The following TASP1 variants were observed in gnomAD, a reference collection of about 807,000 sequenced individuals.
TASP1 encodes taspase 1.
A neutral mutation model predicts 56.6 loss-of-function variants in TASP1; 16 were observed. The ratio of observed to expected loss-of-function variants is 0.28; its 90% CI spans 0.19 to 0.43. TASP1 has a LOEUF of 0.43. Ranked by LOEUF, TASP1 falls within the 20% of genes least tolerant of loss-of-function variation. The pLI is 1.00. For missense variants in TASP1, 393 were observed against 511.6 expected, an observed-to-expected ratio of 0.77 and a Z score of 2.24; for synonymous variants, 179 against 184.2, an observed-to-expected ratio of 0.97 and a Z score of 0.23.
At chr20:13,171,101 T>C in the TASP1 span, among the ~76,000 whole-genome samples, 2 of 152,250 alleles carry the variant, frequency 1.3e-5, no homozygotes, top group East Asian at 3.8e-4. Context: ...TCAGTTTTTT[T>C]GCCCTTTTAA....
chr20:13,437,225 G>A (rs75079400), intron 11 of TASP1, among the ~76,000 whole-genome samples: 1 of 152,012 alleles, frequency 6.6e-6, no homozygotes, highest in African/African-American at 2.4e-5. Context: ...AATAAACATA[G>A]TCCAGCATAT....
chr20:13,296,112 AT>A, the TASP1 span, among the ~76,000 whole-genome samples: 14 of 152,064 alleles, frequency 9.2e-5, no homozygotes, highest in Admixed American at 6.5e-5. Flanking sequence ...TTCCTTAGAT[AT>A]GCCTCATCTT....
intron 12 of TASP1, 79 bp downstream of exon 12, chr20:13,434,965 G>T: frequency 2.0e-6 from 2 of 1,001,082 alleles, no homozygotes; most frequent in South Asian, 1.7e-5. Flanking sequence ...TAAAATTATT[G>T]ACTTAAGGGT....
At chr20:13,202,894 G>A in the TASP1 span, among the ~76,000 whole-genome samples, 4 of 152,266 alleles carry the variant, frequency 2.6e-5, no homozygotes, top group South Asian at 2.1e-4. Flanking sequence ...GATTATAGTC[G>A]GCTTCTACAT....
chr20:13,361,753 C>T, the TASP1 span, among the ~76,000 whole-genome samples: 174 of 152,166 alleles, frequency 1.1e-3, 4 homozygotes, highest in East Asian at 0.031. Context: ...GTTTACACTG[C>T]CAGTTTACAC....
Position 13,490,391 on chromosome 20 carries a change from T to C in TASP1, c.875-7054A>G, listed in dbSNP as rs543239054. ...AGTGAAGCCACCTTTAAATCATCTG[T>C]TTTTGAATTTGTCTGGAATCCAGAA... On this transcript the variant is annotated intron_variant, in intron 10 of 13. Transcript: ENST00000337743. Among the ~76,000 whole-genome samples, 76 of 152,314 alleles carry C rather than the reference T, an allele frequency of 5.0e-4. 1 individual carries two copies. The highest frequency in any genetic ancestry group is 1.0e-4 in the Non-Finnish European group (7 of 68,020).
chr20:13,133,861 A>G, the TASP1 span, among the ~76,000 whole-genome samples: 2 of 152,320 alleles, frequency 1.3e-5, no homozygotes, highest in South Asian at 4.1e-4. Flanking sequence ...TTCACTTAAC[A>G]TCCTTTCCCT....
the TASP1 span, among the ~76,000 whole-genome samples, chr20:13,223,608 T>G: frequency 9.8e-3 from 1,497 of 152,338 alleles, 8 homozygotes; most frequent in Non-Finnish European, 0.018. Flanking sequence ...CCCCAAAGCT[T>G]AAAGTTGTTT....
chr20:13,244,966 G>A, the TASP1 span, among the ~76,000 whole-genome samples: 1 of 152,190 alleles, frequency 6.6e-6, no homozygotes, highest in African/African-American at 2.4e-5. Context: ...GAAAGGAGTG[G>A]TGGAGAGGTT....
chr20:13,280,545 C>G, the TASP1 span, among the ~76,000 whole-genome samples: 4 of 152,168 alleles, frequency 2.6e-5, no homozygotes, highest in African/African-American at 9.7e-5. Context: ...GAACTCAGCT[C>G]CACTCAGTCA....
At chr20:13,372,325 C>G in the TASP1 span, among the ~76,000 whole-genome samples, 2 of 152,128 alleles carry the variant, frequency 1.3e-5, no homozygotes, top group African/African-American at 4.8e-5. Context: ...AGCAGATCAC[C>G]TTCAGACATC....
chr20:13,283,320 A>C, the TASP1 span, among the ~76,000 whole-genome samples: 1 of 152,248 alleles, frequency 6.6e-6, no homozygotes, highest in Non-Finnish European at 1.5e-5. Flanking sequence ...ATGCAATAGC[A>C]AAGCAGTGCA....
chr20:13,398,438 T>C (rs911506032), intron 13 of TASP1, among the ~76,000 whole-genome samples: 1 of 151,750 alleles, frequency 6.6e-6, no homozygotes, highest in Non-Finnish European at 1.5e-5. Flanking sequence ...TTGCTCCACC[T>C]TGTTCTACCC....
At chr20:13,120,499 G>T in the TASP1 span, among the ~76,000 whole-genome samples, 7 of 152,070 alleles carry the variant, frequency 4.6e-5, no homozygotes, top group Non-Finnish European at 1.0e-4. Flanking sequence ...CTAGAAAAAA[G>T]AGATAAAAAC....
chr20:13,466,560 C>A (rs1488977435), intron 11 of TASP1, among the ~76,000 whole-genome samples: 4 of 151,864 alleles, frequency 2.6e-5, no homozygotes, highest in African/African-American at 9.7e-5. Context: ...GGATAGCCAA[C>A]ACAGTGAAAC....
intron 12 of TASP1, among the ~76,000 whole-genome samples, chr20:13,422,805 C>A (rs1440077261): frequency 6.6e-6 from 1 of 152,142 alleles, no homozygotes; most frequent in Non-Finnish European, 1.5e-5. Flanking sequence ...ATCTTGTTTA[C>A]CTCAGCTGGG....
At chr20:13,181,123 C>A in the TASP1 span, among the ~76,000 whole-genome samples, 3 of 152,186 alleles carry the variant, frequency 2.0e-5, no homozygotes, top group Admixed American at 2.0e-4. Context: ...GTCCCTGGTT[C>A]ACATAGGCAG....
intron 12 of TASP1, among the ~76,000 whole-genome samples, chr20:13,422,222 T>C (rs775788748): frequency 6.6e-6 from 1 of 152,044 alleles, no homozygotes; most frequent in Non-Finnish European, 1.5e-5. Context: ...CAATGTTTAA[T>C]CTTTTAAAAA....
chr20:13,171,675 G>A, the TASP1 span, among the ~76,000 whole-genome samples: 2 of 152,122 alleles, frequency 1.3e-5, no homozygotes, highest in Admixed American at 1.3e-4. Flanking sequence ...GAATTAGAGA[G>A]GAAGTATGAC....
Sources: allele counts gnomAD v4.1 joint callset (sites outside exome capture counted in the v4.1 genomes callset), GRCh38; gene constraint gnomAD v4.1.1; transcripts MANE v1.5; gene names NCBI Gene and HGNC (gene_info 2026-07-23, HGNC 2026-07-21).